Variants in HFM1 observed in about 807,000 individuals in gnomAD.
HFM1 encodes the protein probable ATP-dependent DNA helicase HFM1.
A neutral mutation model predicts 192.1 loss-of-function variants in HFM1; 169 were observed. The observed-to-expected ratio is 0.88, with a 90% confidence interval of 0.78 to 1.00. HFM1 has a LOEUF of 1.00. HFM1 is among the 50% of genes least tolerant of loss of function. HFM1 has a pLI of 0.00. For synonymous variants in HFM1, 525 were observed against 537.8 expected, an observed-to-expected ratio of 0.98 and a Z score of 0.33; for missense variants, 1,661 against 1,668.0, an observed-to-expected ratio of 1.00 and a Z score of 0.07.
At chr1:91,396,486 A>G (rs1663673214) in intron 2 of HFM1, 81 bp from the exon 3 acceptor site, 5 of 686,824 alleles carry the variant, frequency 7.3e-6, no homozygotes, top group South Asian at 7.2e-5. Context: ...AACATTACTC[A>G]ATTGGACTCT....
At chr1:91,387,588 C>T (rs142494384) in intron 4 of HFM1, among the ~76,000 whole-genome samples, 4 of 152,050 alleles carry the variant, frequency 2.6e-5, no homozygotes, top group African/African-American at 9.6e-5. Context: ...GCACTGTCCC[C>T]GGAAATGATG....
chr1:91,404,621 C>T (rs962260975), intron 1 of HFM1, 177 bp downstream of exon 1: 2 of 258,994 alleles, frequency 7.7e-6, no homozygotes, highest in South Asian at 3.1e-5. Flanking sequence ...CTGGCGCGGG[C>T]CGGCGGCCTG....
intron 30 of HFM1, among the ~76,000 whole-genome samples, chr1:91,309,265 G>A (rs1426272650): frequency 6.6e-6 from 1 of 152,204 alleles, no homozygotes; most frequent in Non-Finnish European, 1.5e-5. Context: ...GGTGAAAACA[G>A]GACCAACTGA....
intron 32 of HFM1, among the ~76,000 whole-genome samples, chr1:91,275,716 C>T (rs1245185745): frequency 6.6e-6 from 1 of 152,168 alleles, no homozygotes; most frequent in Non-Finnish European, 1.5e-5. Context: ...AACCCAGTCA[C>T]TTCCCTCCAT....
Position 91,378,084 on chromosome 1 carries a change from T to C in HFM1, c.1336A>G (p.Ser446Gly), listed in dbSNP as rs1193156415. Residue 446 changes from serine (S) to glycine (G), a missense_variant, in exon 11 of 39, where the codon AGC becomes GGC. By Grantham distance (56) the Ser-to-Gly change is moderately conservative. Transcript: ENST00000370425. ...QSVSQTLKNT[S>G]TAIPMRFVAV... Reference sequence around the variant, plus strand: ...ACAAATCGCATTGGAATAGCAGTGCTGGTATTTTTTAAAGTCTGAGAAACA... The same window carrying C: ...ACAAATCGCATTGGAATAGCAGTGCCGGTATTTTTTAAAGTCTGAGAAACA... The C allele has an allele frequency of 8.1e-6, 13 of 1,611,814 alleles. No homozygotes were observed. Among genetic ancestry groups the C allele is most frequent in the African/African-American group, 4.0e-5 (3 of 74,848 alleles).
At chr1:91,375,055 G>C (rs539213083) in intron 13 of HFM1, among the ~76,000 whole-genome samples, 8 of 152,010 alleles carry the variant, frequency 5.3e-5, no homozygotes, top group African/African-American at 1.7e-4. Context: ...AAATATGATA[G>C]AGAGTCCTTA....
At chr1:91,289,153 C>A (rs1243833557) in intron 30 of HFM1, among the ~76,000 whole-genome samples, 2 of 149,636 alleles carry the variant, frequency 1.3e-5, no homozygotes, top group Non-Finnish European at 3.0e-5. Context: ...GATGGGGCAG[C>A]CAGTCAGAGA....
Position 91,304,628 on chromosome 1 carries a change from G to A in HFM1, c.3391+8721C>T, listed in dbSNP as rs566501180. On this transcript the variant is annotated intron_variant, in intron 30 of 38. Coordinates refer to ENST00000370425, the MANE Select transcript of HFM1 (RefSeq NM_001017975.6). The stretch of plus-strand genomic sequence containing the variant: ...ATTACAGGGGCCCATCACCACAGCC[G>A]GCTAATTTTTTTTTTTTTTTTTGTA... 6.3e-3 allele frequency among the ~76,000 whole-genome samples: 687 copies of A among 108,812 alleles called. 8 individuals are homozygous for A. The highest frequency in any genetic ancestry group is 0.021 in the African/African-American group (634 of 29,578). 71.4% of individuals were successfully genotyped at this position (108,812 alleles called of 152,430 possible).
chr1:91,284,285 C>T (rs1003801893), intron 30 of HFM1, among the ~76,000 whole-genome samples: 1 of 151,138 alleles, frequency 6.6e-6, no homozygotes, highest in Non-Finnish European at 1.5e-5. Context: ...CCTTTGTTGC[C>T]CAGGCTGGAG....
At chr1:91,363,008 C>T (rs1262428380) in intron 13 of HFM1, among the ~76,000 whole-genome samples, 1 of 152,122 alleles carries the variant, frequency 6.6e-6, no homozygotes, top group East Asian at 1.9e-4. Flanking sequence ...CTTCCTTACA[C>T]CCTACACAAG....
intron 3 of HFM1, 50 bp from the exon 4 acceptor site, chr1:91,394,452 T>G: frequency 9.1e-7 from 1 of 1,102,350 alleles, no homozygotes; most frequent in Non-Finnish European, 1.3e-6. Flanking sequence ...TTAAAGGAAA[T>G]TTTCAAAATG....
At chr1:91,327,334 G>A (rs1407735322) in intron 20 of HFM1, among the ~76,000 whole-genome samples, 8 of 152,242 alleles carry the variant, frequency 5.3e-5, no homozygotes, top group South Asian at 2.1e-4. Flanking sequence ...TGAGCAACAC[G>A]GCAAAACCCC....
chr1:91,394,579 C>T lies in HFM1; in HGVS notation c.185-177G>A, dbSNP rs115085249. 3.9e-3 allele frequency among the ~76,000 whole-genome samples: 595 copies of T among 152,088 alleles called. 7 individuals are homozygous for T. The highest frequency in any genetic ancestry group is 0.014 in the African/African-American group (584 of 41,514). ...TTTTAAAATATAGGTGATTGTTACA[C>T]TTATGGTATATTACATCATTAACAG... is the stretch of plus-strand genomic sequence containing the variant. On this transcript the variant is annotated intron_variant, in intron 3 of 38. Coordinates refer to ENST00000370425, the MANE Select transcript of HFM1 (RefSeq NM_001017975.6).
rs1009704086 is a variant in HFM1 at position 91,316,084 on chromosome 1, A to G, written c.2982+17T>C. 1 of 1,527,096 alleles carries G rather than the reference A, an allele frequency of 6.5e-7. No individual in the cohort carries two copies. The highest frequency in any genetic ancestry group is 1.4e-5 in the African/African-American group (1 of 72,544). 94.6% of individuals were successfully genotyped at this position (1,527,096 alleles called of 1,614,324 possible). ...CTGAAAAGACAATAAAATATCTAAG[A>G]AACAGAAAATATTTACCTGTTCCAC... On this transcript the variant is annotated intron_variant, in intron 27 of 38. Transcript: ENST00000370425.
At chr1:91,274,621 C>T (rs1570739615) in intron 33 of HFM1, 109 bp downstream of exon 33, 7 of 539,744 alleles carry the variant, frequency 1.3e-5, no homozygotes, top group Non-Finnish European at 2.4e-5. Context: ...TAAACGATAA[C>T]TGTGACTTGA....
chr1:91,353,556 T>G (rs1363301937), intron 13 of HFM1, among the ~76,000 whole-genome samples: 2 of 150,030 alleles, frequency 1.3e-5, no homozygotes, highest in Non-Finnish European at 3.0e-5. Context: ...TAATTGGTGA[T>G]TAACAAGTCA....
Position 91,375,688 on chromosome 1 carries a change from A to G in HFM1, c.1435T>C (p.Cys479Arg). Residue 479 changes from cysteine to arginine, a missense_variant, in exon 12 of 39, where the codon TGT becomes CGT. Physicochemically the swap from Cys to Arg is radical, Grantham distance 180. Transcript: ENST00000370425. ...WLSDGERPAV[C>R]LKMDESHRPV... ...CTATGGCTCTCATCCATTTTCAGACACACAGCTGGTCTTTCACCATCTGAA... is the reference window on the plus strand; with the variant it reads ...CTATGGCTCTCATCCATTTTCAGACGCACAGCTGGTCTTTCACCATCTGAA... The G allele has an allele frequency of 6.2e-7, 1 of 1,613,370 alleles. No homozygotes were observed.
intron 20 of HFM1, chr1:91,328,965 C>T (rs1019302118): frequency 5.6e-6 from 9 of 1,612,662 alleles, no homozygotes; most frequent in Non-Finnish European, 5.1e-6. Flanking sequence ...CAACACCTGA[C>T]TGCCAGTGAA....
At position 91,378,156 on chromosome 1, in the gene HFM1, C is replaced by T. The variant is rs1661130129; in HGVS notation, c.1264G>A (p.Gly422Ser). Residue 422 changes from glycine (G) to serine (S), a missense_variant, in exon 11 of 39, where the codon GGT becomes AGT. Coordinates refer to ENST00000370425, the MANE Select transcript of HFM1 (RefSeq NM_001017975.6). ...CTAACTACAACTTCAAGAGTTGGAC[C>T]ACGATTTTCATCTTTTACAATATGT... The part of the protein sequence containing the change: ...EVHIVKDENR[G>S]PTLEVVVSRM... The T allele has an allele frequency of 1.2e-6, 2 of 1,606,028 alleles. No individual in the cohort carries two copies. The highest frequency in any genetic ancestry group is 1.3e-5 in the African/African-American group (1 of 74,582).
Sources: gnomAD v4.1 joint callset for allele counts (sites outside exome capture counted in the v4.1 genomes callset) on GRCh38, gnomAD v4.1.1 for gene constraint, MANE v1.5 for transcripts, NCBI Gene and HGNC (gene_info 2026-07-23, HGNC 2026-07-21) for gene names.